The following FOXN2 variants were observed in gnomAD, a reference collection of about 807,000 sequenced individuals.
FOXN2 encodes the protein forkhead box protein N2.
FOXN2 carries 19 observed loss-of-function variants against 41.2 expected under a neutral mutation model. The ratio of observed to expected loss-of-function variants is 0.46; its 90% CI spans 0.32 to 0.68. FOXN2 has a LOEUF of 0.68. Among genes scored for constraint, FOXN2 ranks in the 30% least tolerant of loss-of-function variants. The probability of loss-of-function intolerance (pLI) is 0.03; values close to 1 mark genes in which losing one functional copy is unlikely to be tolerated. For missense variants in FOXN2, 587 were observed against 509.4 expected, an observed-to-expected ratio of 1.15 and a Z score of -1.47; for synonymous variants, 195 against 176.8, an observed-to-expected ratio of 1.10 and a Z score of -0.82.
chr2:48,373,372 T>C lies in FOXN2; in HGVS notation c.772+12T>C, dbSNP rs199613779. The C allele has an allele frequency of 2.6e-6, 4 of 1,536,736 alleles. No homozygotes were observed. The highest frequency in any genetic ancestry group is 1.4e-5 in the African/African-American group (1 of 71,070). ...AGGAATTTTAGAATGTAAGTAATCA[T>C]GCCTTTTTTAAAAAAAAATTTTAGT... On this transcript the variant is annotated intron_variant, in intron 6 of 6. Transcript: ENST00000340553.
intron 1 of FOXN2, among the ~76,000 whole-genome samples, chr2:48,324,289 G>T (rs1159048271): frequency 6.6e-6 from 1 of 150,570 alleles, no homozygotes; most frequent in Non-Finnish European, 1.5e-5. Flanking sequence ...CCTCCTCCTG[G>T]GTTCAAGTGA....
intron 2 of FOXN2, among the ~76,000 whole-genome samples, chr2:48,329,288 G>T (rs1669880535): frequency 6.6e-6 from 1 of 152,122 alleles, no homozygotes; most frequent in Non-Finnish European, 1.5e-5. Flanking sequence ...TAAACACATG[G>T]TTTACAAATT....
At chr2:48,357,862 GAAA>G (rs200738115) in intron 3 of FOXN2, among the ~76,000 whole-genome samples, 22,948 of 113,644 alleles carry the variant, frequency 0.2, 2,142 homozygotes, top group East Asian at 0.53. Context: ...GTCTTTTATT[GAAA>G]AAAAAAAAAA....
At position 48,317,460 on chromosome 2, in the gene FOXN2, A is replaced by T. The variant is rs576844383; in HGVS notation, c.-157+2646A>T. ...CAAAACTCTGTCTCAAAAAAAAAAA[A>T]TTTTTTTTTTGAAGGGTTGAGAACA... On this transcript the variant is annotated intron_variant, in intron 1 of 6. Transcript: ENST00000340553. 7.4e-5 allele frequency among the ~76,000 whole-genome samples: 11 copies of T among 148,404 alleles called. 1 individual carries two copies. In the South Asian group the frequency reaches 1.3e-3, roughly 17 times the overall value.
Position 48,378,911 on chromosome 2 carries a change from G to A in FOXN2, c.*3468G>A, listed in dbSNP as rs979962264. 2.6e-5 allele frequency: 4 copies of A among 152,346 alleles called. No individual in the cohort carries two copies. The highest frequency in any genetic ancestry group is 7.3e-5 in the African/African-American group (3 of 41,356). 9.4% of individuals were successfully genotyped at this position (152,346 alleles called of 1,614,324 possible). A position where few individuals can be genotyped will look rare whatever the true frequency, so the allele number is the denominator to read the frequency against. ...TTGTACATTTCTTATTAAACTAAGT[G>A]CTTAATTTTAAAGTATTATGTTGCC... On this transcript the variant is annotated 3_prime_UTR_variant, in exon 7 of 7. Coordinates refer to ENST00000340553, the MANE Select transcript of FOXN2 (RefSeq NM_002158.4).
Position 48,347,561 on chromosome 2 carries a change from T to G in FOXN2, c.537+810T>G, listed in dbSNP as rs577164360. On this transcript the variant is annotated intron_variant, in intron 3 of 6. Transcript: ENST00000340553. The stretch of plus-strand genomic sequence containing the variant: ...TGTGTGTGTGTGTGTGTGTGTGTGT[T>G]TTATGCTTCAATTTTATCTCTACTA... 1.6e-4 allele frequency among the ~76,000 whole-genome samples: 21 copies of G among 128,218 alleles called. No individual in the cohort carries two copies. In the South Asian group the frequency reaches 4.6e-3, roughly 28 times the overall value. The allele number at this position is 128,218 out of a possible 152,430, so 84.1% of individuals were successfully genotyped here. A position where few individuals can be genotyped will look rare whatever the true frequency, so the allele number is the denominator to read the frequency against.
In FOXN2 at chr2:48,378,009, A is replaced by G. The variant is rs538928320; in HGVS notation, c.*2566A>G. 2.0e-5 allele frequency: 3 copies of G among 152,278 alleles called. No individual in the cohort carries two copies. The highest frequency in any genetic ancestry group is 1.9e-4 in the East Asian group (1 of 5,182). The allele number at this position is 152,278 out of a possible 1,614,324, so 9.4% of individuals were successfully genotyped here. On this transcript the variant is annotated 3_prime_UTR_variant, in exon 7 of 7. Transcript: ENST00000340553. ...CTCCAAGGAGGTTACATGTTTTCCA[A>G]CATATCCTAAAAACTGTGATATAAG...
At chr2:48,332,981 A>G (rs544340498) in intron 2 of FOXN2, among the ~76,000 whole-genome samples, 1 of 147,624 alleles carries the variant, frequency 6.8e-6, no homozygotes, top group East Asian at 2.2e-4. Flanking sequence ...TAAATGATTT[A>G]GATTTTCCTT....
intron 1 of FOXN2, among the ~76,000 whole-genome samples, chr2:48,325,641 A>T (rs1236347111): frequency 6.6e-6 from 1 of 152,192 alleles, no homozygotes; most frequent in Non-Finnish European, 1.5e-5. Flanking sequence ...TAGAACCAAG[A>T]TTTGCCAGAC....
chr2:48,340,468 G>C (rs184694399), intron 2 of FOXN2, among the ~76,000 whole-genome samples: 3 of 152,020 alleles, frequency 2.0e-5, no homozygotes, highest in Admixed American at 6.5e-5. Context: ...ATATGCAGAT[G>C]TGCAAATCTC....
chr2:48,375,395 C>T lies in FOXN2; in HGVS notation c.1248C>T (p.Ser416=), dbSNP rs1673189885. The stretch of plus-strand genomic sequence containing the variant: ...CTGGAATTCGTACATGTTTAGGTTC[C>T]CTAATAAGTACTGCAAAGACACAAA... ...HLAGIRTCLG[S]LISTAKTQNQ... Residue 416 remains serine, a synonymous_variant, in exon 7 of 7, where the codon TCC becomes TCT. Coordinates refer to ENST00000340553, the MANE Select transcript of FOXN2 (RefSeq NM_002158.4). 17 of 1,613,374 alleles carry T rather than the reference C, an allele frequency of 1.1e-5. No individual in the cohort carries two copies. Among genetic ancestry groups the T allele is most frequent in the Non-Finnish European group, 1.4e-5 (16 of 1,179,794 alleles).
chr2:48,358,972 C>T, intron 3 of FOXN2, 75 bp from the exon 4 acceptor site: 4 of 1,147,360 alleles, frequency 3.5e-6, no homozygotes, highest in Non-Finnish European at 3.8e-6. Context: ...TACCCCTGCA[C>T]ATTTATTTAA....
chr2:48,338,910 G>C (rs1288420310), intron 2 of FOXN2, among the ~76,000 whole-genome samples: 1 of 152,010 alleles, frequency 6.6e-6, no homozygotes, highest in Non-Finnish European at 1.5e-5. Context: ...AACCAATAAA[G>C]AGATTGAAAA....
chr2:48,362,936 A>G (rs1672290403), intron 5 of FOXN2, among the ~76,000 whole-genome samples: 1 of 152,212 alleles, frequency 6.6e-6, no homozygotes, highest in Non-Finnish European at 1.5e-5. Flanking sequence ...AAAGTATAGC[A>G]CGTAGTTATG....
intron 3 of FOXN2, among the ~76,000 whole-genome samples, chr2:48,355,673 C>T (rs540910589): frequency 6.6e-6 from 1 of 152,138 alleles, no homozygotes; most frequent in African/African-American, 2.4e-5. Context: ...TTGCATTTGG[C>T]AACCTTGACA....
intron 2 of FOXN2, among the ~76,000 whole-genome samples, chr2:48,329,623 A>G (rs1421338945): frequency 6.6e-6 from 1 of 152,188 alleles, no homozygotes; most frequent in Admixed American, 6.5e-5. Flanking sequence ...CTAAGAGACC[A>G]TAATGCTTCA....
rs185823193 is a variant in FOXN2 at position 48,356,324 on chromosome 2, C to T, written c.538-2723C>T. Among the ~76,000 whole-genome samples the T allele has an allele frequency of 6.4e-3, 977 of 151,842 alleles. 14 individuals carry two copies. Among genetic ancestry groups the T allele is most frequent in the African/African-American group, 0.023 (933 of 41,394 alleles). On this transcript the variant is annotated intron_variant, in intron 3 of 6. Coordinates refer to ENST00000340553, the MANE Select transcript of FOXN2 (RefSeq NM_002158.4). Reference sequence around the variant, plus strand: ...GGCATGGTGGTGCACACCTGTAATCCCAGCTACTTGGGAGGCTGAGGCAAG... The same window carrying T: ...GGCATGGTGGTGCACACCTGTAATCTCAGCTACTTGGGAGGCTGAGGCAAG...
At chr2:48,357,607 T>C (rs1422379424) in intron 3 of FOXN2, among the ~76,000 whole-genome samples, 1 of 151,998 alleles carries the variant, frequency 6.6e-6, no homozygotes, top group African/African-American at 2.4e-5. Flanking sequence ...AGGCTAATTT[T>C]TTCTATTTTT....
At chr2:48,362,518 G>GCTA in intron 4 of FOXN2, 125 bp from the exon 5 acceptor site, 1 of 743,782 alleles carries the variant, frequency 1.3e-6, no homozygotes. Context: ...GCAGTAGGCT[G>GCTA]AAATCATGCC....
Sources: gnomAD v4.1 joint callset for allele counts (sites outside exome capture counted in the v4.1 genomes callset) on GRCh38, gnomAD v4.1.1 for gene constraint, MANE v1.5 for transcripts, NCBI Gene and HGNC (gene_info 2026-07-23, HGNC 2026-07-21) for gene names.